Variants in MRPS18A observed in about 807,000 individuals in gnomAD.
The protein encoded by MRPS18A is large ribosomal subunit protein mL66.
MRPS18A carries 20 observed loss-of-function variants against 22.7 expected under a neutral mutation model. The ratio of observed to expected loss-of-function variants is 0.88; its 90% confidence interval spans 0.62 to 1.28. The LOEUF (loss-of-function observed/expected upper bound fraction) is 1.28. Ranked by LOEUF, MRPS18A falls within the 50% of genes most tolerant of loss-of-function variation. The probability of loss-of-function intolerance (pLI) is 0.00; values close to 1 mark genes in which losing one functional copy is unlikely to be tolerated. For synonymous variants in MRPS18A, 106 were observed against 99.1 expected (o/e 1.07, Z -0.41); for missense variants, 294 against 262.6 (o/e 1.12, Z -0.83).
intron 5 of MRPS18A, chr6:43,672,638 C>T: frequency 3.3e-6 from 1 of 299,544 alleles, no homozygotes; most frequent in Non-Finnish European, 7.0e-6. Flanking sequence ...TCAGCCATGA[C>T]AAAGGCCAGG....
chr6:43,674,365 C>A (rs1773930608), intron 5 of MRPS18A, among the ~76,000 whole-genome samples: 1 of 152,204 alleles, frequency 6.6e-6, no homozygotes, highest in South Asian at 2.1e-4. Flanking sequence ...ACTGCAATTA[C>A]TTCCGCACCA....
intron 1 of MRPS18A, among the ~76,000 whole-genome samples, chr6:43,682,640 T>C (rs2127951974): frequency 6.6e-6 from 1 of 152,268 alleles, no homozygotes; most frequent in East Asian, 1.9e-4. Context: ...TAAAAGAAAA[T>C]GGGTCACCCC....
At chr6:43,684,863 T>G (rs1384391319) in intron 1 of MRPS18A, among the ~76,000 whole-genome samples, 1 of 152,028 alleles carries the variant, frequency 6.6e-6, no homozygotes, top group South Asian at 2.1e-4. Flanking sequence ...AATATGTTTG[T>G]TTTTTTATTT....
chr6:43,681,269 G>A (rs1582412131), intron 1 of MRPS18A, 149 bp from the exon 2 acceptor site: 2 of 863,986 alleles, frequency 2.3e-6, no homozygotes, highest in East Asian at 5.4e-5. Flanking sequence ...AAGCATGCAG[G>A]GTTCACCCCA....
At chr6:43,675,101 G>C (rs1773977616) in intron 5 of MRPS18A, 101 bp downstream of exon 5, 1 of 1,046,366 alleles carries the variant, frequency 9.6e-7, no homozygotes, top group African/African-American at 1.6e-5. Flanking sequence ...ACTGATGGGG[G>C]TGGATGCTTA....
At chr6:43,672,175 G>A (rs1165226202) in intron 5 of MRPS18A, 5 of 541,596 alleles carry the variant, frequency 9.2e-6, no homozygotes, top group Non-Finnish European at 1.4e-5. Flanking sequence ...AAATGTCAAT[G>A]TTGGTGTGTG....
chr6:43,675,183 C>A lies in MRPS18A; in HGVS notation c.446+19G>T. 1 of 1,508,448 alleles carries A rather than the reference C, an allele frequency of 6.6e-7. No individual in the cohort carries two copies. The highest frequency in any genetic ancestry group is 1.4e-5 in the South Asian group (1 of 73,666). 93.4% of individuals were successfully genotyped at this position (1,508,448 alleles called of 1,614,324 possible). ...CTGAGCGCAGAACGCTCAGGTTGTT[C>A]ACACCCAGGCTTGCTTACCGGTTGA... On this transcript the variant is annotated intron_variant, in intron 5 of 5. Transcript: ENST00000372133.
At chr6:43,675,055 A>G in intron 5 of MRPS18A, 147 bp downstream of exon 5, 1 of 660,956 alleles carries the variant, frequency 1.5e-6, no homozygotes, top group Non-Finnish European at 2.4e-6. Context: ...TTGGCAAAGA[A>G]GGCAACAGAA....
intron 3 of MRPS18A, among the ~76,000 whole-genome samples, chr6:43,677,634 C>T (rs2127946361): frequency 6.6e-6 from 1 of 152,316 alleles, no homozygotes. Context: ...AGCATGGGAT[C>T]TGCCTGGGCT....
chr6:43,674,862 T>C (rs539023346), intron 5 of MRPS18A, among the ~76,000 whole-genome samples: 1 of 152,296 alleles, frequency 6.6e-6, no homozygotes, highest in South Asian at 2.1e-4. Context: ...AGGCCTTCTG[T>C]CCTCTAATAA....
chr6:43,671,857 C>G lies in MRPS18A; in HGVS notation c.496G>C (p.Gly166Arg). Residue 166 changes from glycine to arginine, a missense_variant, in exon 6 of 6, where the codon GGC becomes CGC. By Grantham distance (125) the Gly-to-Arg change is moderately radical (BLOSUM62 -2). Coordinates refer to ENST00000372133, the MANE Select transcript of MRPS18A (RefSeq NM_018135.4). ...ATGCGCACCCTGTTCCAGCGGGGGCCTTTTTTGTAGATGGGCTTGACGGAG... is the reference window on the plus strand; with the variant it reads ...ATGCGCACCCTGTTCCAGCGGGGGCGTTTTTTGTAGATGGGCTTGACGGAG... ...PGSVKPIYKK[G>R]PRWNRVRMPV... 1 of 1,613,912 alleles carries G rather than the reference C, an allele frequency of 6.2e-7. No individual in the cohort carries two copies. The highest frequency in any genetic ancestry group is 1.1e-5 in the South Asian group (1 of 91,054).
chr6:43,683,529 G>A (rs1774527817), intron 1 of MRPS18A, among the ~76,000 whole-genome samples: 1 of 152,216 alleles, frequency 6.6e-6, no homozygotes, highest in Non-Finnish European at 1.5e-5. Context: ...CTATTCAAGA[G>A]AAGTGGGGGT....
intron 3 of MRPS18A, among the ~76,000 whole-genome samples, chr6:43,678,229 C>T (rs905994646): frequency 8.5e-5 from 13 of 152,152 alleles, no homozygotes; most frequent in African/African-American, 2.9e-4. Context: ...CCTAGGCTAC[C>T]GAAGATGGTG....
At chr6:43,681,291 G>T (rs570070337) in intron 1 of MRPS18A, among the ~76,000 whole-genome samples, 171 bp from the exon 2 acceptor site, 29 of 152,218 alleles carry the variant, frequency 1.9e-4, no homozygotes, top group Non-Finnish European at 3.2e-4. Flanking sequence ...TAGTGCCAAG[G>T]CTCTATGCCC....
intron 4 of MRPS18A, 72 bp from the exon 5 acceptor site, chr6:43,675,343 C>T (rs1277262600): frequency 6.3e-7 from 1 of 1,579,332 alleles, no homozygotes; most frequent in Non-Finnish European, 8.7e-7. Context: ...AGGGAAAGCC[C>T]AAGGGAGCGG....
At position 43,671,231 on chromosome 6, in the gene MRPS18A, CGA is replaced by C. The variant is rs1052001427; in HGVS notation, c.*529_*530del. 7.3e-6 allele frequency: 4 copies of C among 548,310 alleles called. No homozygotes were observed. The Admixed American group carries it at 9.3e-5, about 13-fold the overall frequency. 34.0% of individuals were successfully genotyped at this position (548,310 alleles called of 1,614,324 possible). A position where few individuals can be genotyped will look rare whatever the true frequency, so the allele number is the denominator to read the frequency against. On this transcript the variant is annotated 3_prime_UTR_variant, in exon 6 of 6. Coordinates refer to ENST00000372133, the MANE Select transcript of MRPS18A (RefSeq NM_018135.4). ...AGGAACGCAGTTTCTTGGATTCACA[CGA>C]GAGCGGCAAGTGTGTCAGGCAGCCC... is the stretch of plus-strand genomic sequence containing the variant.
intron 2 of MRPS18A, 138 bp from the exon 3 acceptor site, chr6:43,678,763 T>C (rs1277827717): frequency 3.1e-6 from 2 of 637,062 alleles, no homozygotes; most frequent in Admixed American, 2.5e-5. Flanking sequence ...CTAAGAGGTT[T>C]CTCTGCCTGA....
intron 1 of MRPS18A, among the ~76,000 whole-genome samples, chr6:43,684,242 C>T (rs993775904): frequency 3.2e-4 from 48 of 152,074 alleles, no homozygotes; most frequent in African/African-American, 1.1e-3. Context: ...ATGAGGAGTG[C>T]AGGGCACTGC....
chr6:43,678,444 T>A (rs1490490368), intron 3 of MRPS18A, 74 bp downstream of exon 3: 2 of 1,133,866 alleles, frequency 1.8e-6, no homozygotes, highest in Admixed American at 1.7e-5. Context: ...AGCGGGGACA[T>A]GCTGCTCCAG....
Sources: gnomAD v4.1 joint callset for allele counts (sites outside exome capture counted in the v4.1 genomes callset) on GRCh38, gnomAD v4.1.1 for gene constraint, MANE v1.5 for transcripts, NCBI Gene and HGNC (gene_info 2026-07-23, HGNC 2026-07-21) for gene names.